Variants in RAPGEF3 observed in about 807,000 individuals in gnomAD.
The protein encoded by RAPGEF3 is 9330170P05Rik.
In RAPGEF3, 103 loss-of-function variants were observed where a neutral mutation model predicts 129.8. The observed-to-expected ratio is 0.79, with a 90% CI of 0.68 to 0.93. RAPGEF3 has a LOEUF of 0.93. RAPGEF3 is among the 40% of genes least tolerant of loss of function. The pLI is 0.00. For missense variants in RAPGEF3, 1,117 were observed against 1,207.4 expected, an observed-to-expected ratio of 0.93 and a Z score of 1.11; for synonymous variants, 436 against 482.6, an observed-to-expected ratio of 0.90 and a Z score of 1.26.
intron 1 of RAPGEF3, 127 bp downstream of exon 1, chr12:47,758,424 C>T (rs965767416): frequency 1.3e-6 from 2 of 1,556,266 alleles, no homozygotes; most frequent in Non-Finnish European, 1.7e-6. Context: ...GCAGCTTCGG[C>T]TTAAACCCTT....
chr12:47,737,787 A>T (rs1420941758), intron 27 of RAPGEF3, 102 bp from the exon 28 acceptor site: 1 of 1,193,934 alleles, frequency 8.4e-7, no homozygotes, highest in Non-Finnish European at 1.2e-6. Context: ...GCCCTCCACC[A>T]CCCACCAACC....
Position 47,747,848 on chromosome 12 carries a change from G to A in RAPGEF3, c.1337C>T (p.Pro446Leu). 1.2e-6 allele frequency: 2 copies of A among 1,603,664 alleles called. No individual in the cohort carries two copies. The highest frequency in any genetic ancestry group is 1.7e-6 in the Non-Finnish European group (2 of 1,179,902). Reference sequence around the variant, plus strand: ...GCGCTCCTGCTCGCTGCCACCCGCAGGCTCCACATGGAAGGTGGGCACCAG... The same window carrying A: ...GCGCTCCTGCTCGCTGCCACCCGCAAGCTCCACATGGAAGGTGGGCACCAG... ...AALLHHFHVE[P>L]AGGSEQERST... is the part of the protein sequence containing the mutation. The change falls in exon 14 of 28, where the codon CCT becomes CTT. Residue 446 changes from proline (P) to leucine (L), a missense_variant. By Grantham distance (98) the Pro-to-Leu change is moderately conservative. Coordinates refer to ENST00000449771, the MANE Select transcript of RAPGEF3 (RefSeq NM_001098531.4).
intron 2 of RAPGEF3, among the ~76,000 whole-genome samples, chr12:47,756,689 G>A (rs748864217): frequency 8.5e-5 from 13 of 152,194 alleles, no homozygotes; most frequent in African/African-American, 1.4e-4. Flanking sequence ...GTGAACTCTC[G>A]GCTAGGCGCA....
rs371385955 is a variant in RAPGEF3 at position 47,740,286 on chromosome 12, C to A, written c.2322+19G>T. ...CCTGAGGCCTGACCTCAGGAGGGGG[C>A]CCTCCAGACCACACTTACCTCCCAG... On this transcript the variant is annotated intron_variant, in intron 22 of 27. Coordinates refer to ENST00000449771, the MANE Select transcript of RAPGEF3 (RefSeq NM_001098531.4). The A allele has an allele frequency of 1.4e-5, 23 of 1,613,556 alleles. No individual in the cohort carries two copies. Among genetic ancestry groups the A allele is most frequent in the Non-Finnish European group, 1.6e-5 (19 of 1,179,580 alleles).
At chr12:47,743,891 G>A in intron 17 of RAPGEF3, 96 bp downstream of exon 17, 1 of 1,425,478 alleles carries the variant, frequency 7.0e-7, no homozygotes, top group Middle Eastern at 2.3e-4. Flanking sequence ...CTTGGCCCAG[G>A]CACACCGAGG....
intron 15 of RAPGEF3, 99 bp from the exon 16 acceptor site, chr12:47,746,998 T>C (rs976620681): frequency 8.3e-7 from 1 of 1,209,422 alleles, no homozygotes. Flanking sequence ...CCCTCACCAG[T>C]GGTTCAGAGG....
At position 47,735,287 on chromosome 12, in the gene RAPGEF3, C is replaced by A. The variant is rs1418259490; in HGVS notation, c.*2280G>T. 2 of 152,438 alleles carry A rather than the reference C, an allele frequency of 1.3e-5. No homozygotes were observed. Among genetic ancestry groups the A allele is most frequent in the Admixed American group, 1.3e-4 (2 of 15,308 alleles). The allele number at this position is 152,438 out of a possible 1,614,324, so 9.4% of individuals were successfully genotyped here. On this transcript the variant is annotated 3_prime_UTR_variant, in exon 28 of 28. Coordinates refer to ENST00000449771, the MANE Select transcript of RAPGEF3 (RefSeq NM_001098531.4). ...TGCAGCTGAGACACAAAATGGGAGC[C>A]CCTGCACACAGCCTGGGCTGCTAGG...
chr12:47,740,547 G>A (rs1941083322), intron 21 of RAPGEF3, 95 bp downstream of exon 21: 3 of 1,512,364 alleles, frequency 2.0e-6, no homozygotes, highest in East Asian at 2.3e-5. Flanking sequence ...CAAATAGGGT[G>A]GCAGATTTGG....
intron 27 of RAPGEF3, 96 bp downstream of exon 27, chr12:47,737,926 C>T (rs1359894221): frequency 1.3e-5 from 19 of 1,454,358 alleles, no homozygotes; most frequent in South Asian, 2.4e-5. Flanking sequence ...GGCCGGGCTC[C>T]GTGCCTGGCA....
rs1941713175 is a variant in RAPGEF3 at position 47,751,096 on chromosome 12, A to G, written c.623T>C (p.Leu208Pro). The stretch of plus-strand genomic sequence containing the variant: ...CAGGGCGTCAGGCCCCCGCTGGGAG[A>G]GCAGGGCCACAGCTTCGGCCAACTC... ...EEELAEAVAL[L>P]SQRGPDALLT... Residue 208 changes from leucine (L) to proline (P), a missense_variant, in exon 6 of 28, where the codon CTC becomes CCC. Leu to Pro is a moderately conservative substitution (Grantham distance 98). Around this residue, in one of 3 missense-constraint regions of RAPGEF3, gnomAD observed 367 missense variants for 373.4 expected, o/e 0.98. Transcript: ENST00000449771. 1 of 1,591,082 alleles carries G rather than the reference A, an allele frequency of 6.3e-7. No homozygotes were observed. The highest frequency in any genetic ancestry group is 1.8e-5 in the Admixed American group (1 of 55,772).
At position 47,758,749 on chromosome 12, in the gene RAPGEF3, TTGGG is replaced by T; in HGVS notation, c.-197_-194del. On this transcript the variant is annotated 5_prime_UTR_variant, in exon 1 of 28. Transcript: ENST00000449771. ...GCAGGGCTCGGTGGAGAGGCTCCTC[TTGGG>T]TGAGTAGAGGGGTGGGGGCGTGGTG... is the stretch of plus-strand genomic sequence containing the variant. 1 of 1,290,910 alleles carries T rather than the reference TTGGG, an allele frequency of 7.7e-7. No homozygotes were observed. The highest frequency in any genetic ancestry group is 9.8e-7 in the Non-Finnish European group (1 of 1,016,320). The allele number at this position is 1,290,910 out of a possible 1,614,324, so 80.0% of individuals were successfully genotyped here. A position where few individuals can be genotyped will look rare whatever the true frequency, so the allele number is the denominator to read the frequency against.
rs371821602 is a variant in RAPGEF3, at chr12:47,747,814, G to A, written c.1371C>T (p.Tyr457=). The A allele has an allele frequency of 1.6e-5, 25 of 1,606,500 alleles. No individual in the cohort carries two copies. The highest frequency in any genetic ancestry group is 1.7e-4 in the Middle Eastern group (1 of 6,028). Residue 457 remains tyrosine, a synonymous_variant, in exon 14 of 28, where the codon TAC becomes TAT. Coordinates refer to ENST00000449771, the MANE Select transcript of RAPGEF3 (RefSeq NM_001098531.4). The part of the protein sequence containing the change: ...AGGSEQERST[Y]VCNKRQQILR... ...AGATCTGCTGCCTCTTGTTGCAGAC[G>A]TAGGTGCTGCGCTCCTGCTCGCTGC...
At chr12:47,741,089 G>A in intron 19 of RAPGEF3, 49 bp from the exon 20 acceptor site, 1 of 1,594,570 alleles carries the variant, frequency 6.3e-7, no homozygotes, top group Non-Finnish European at 8.6e-7. Context: ...TCCAGGGAAA[G>A]GCACAGGGTA....
In RAPGEF3 at chr12:47,757,958, T is replaced by C. The variant is rs1473811743; in HGVS notation, c.127A>G (p.Met43Val). 2 of 1,560,720 alleles carry C rather than the reference T, an allele frequency of 1.3e-6. No individual in the cohort carries two copies. Among genetic ancestry groups the C allele is most frequent in the African/African-American group, 2.7e-5 (2 of 73,684 alleles). ...DVVPEGTLLN[M>V]VLRRMHRPRS... The stretch of plus-strand genomic sequence containing the variant: ...GGCCGGTGCATCCTTCTCAACACCA[T>C]GTTGAGTAGTGTCCCCTCCGGCACC... Residue 43 changes from methionine to valine, a missense_variant, in exon 2 of 28, where the codon ATG becomes GTG. Met to Val is a conservative substitution (Grantham distance 21). Coordinates refer to ENST00000449771, the MANE Select transcript of RAPGEF3 (RefSeq NM_001098531.4).
At chr12:47,743,023 T>G (rs577925033) in intron 18 of RAPGEF3, among the ~76,000 whole-genome samples, 45 of 152,244 alleles carry the variant, frequency 3.0e-4, no homozygotes, top group Non-Finnish European at 5.3e-4. Flanking sequence ...CCTTTGAGCT[T>G]CAGTGTTCTT....
At chr12:47,754,066 C>T (rs1383272241) in intron 2 of RAPGEF3, 1 of 152,164 alleles carries the variant, frequency 6.6e-6, no homozygotes, top group Non-Finnish European at 1.5e-5. Context: ...TGGTGCTGAC[C>T]CCAGAGGTAG....
In RAPGEF3 at chr12:47,750,969, C is replaced by A. The variant is rs537979176; in HGVS notation, c.671+79G>T. Reference sequence around the variant, plus strand: ...CTCCACAACAGGTAAGGGATGCCCCCAGAGATCAATCTGAGAAACCGTGAA... The same window carrying A: ...CTCCACAACAGGTAAGGGATGCCCCAAGAGATCAATCTGAGAAACCGTGAA... On this transcript the variant is annotated intron_variant, in intron 6 of 27. Coordinates refer to ENST00000449771, the MANE Select transcript of RAPGEF3 (RefSeq NM_001098531.4). The A allele has an allele frequency of 2.5e-5, 39 of 1,537,760 alleles. No individual in the cohort carries two copies. The African/African-American group carries it at 3.6e-4, about 14-fold the overall frequency.
chr12:47,740,563 T>C, intron 21 of RAPGEF3, 79 bp downstream of exon 21: 1 of 1,558,230 alleles, frequency 6.4e-7, no homozygotes, highest in Non-Finnish European at 8.8e-7. Context: ...TTTGGCAACA[T>C]ACTAAGCAAA....
Position 47,751,183 on chromosome 12 carries a change from G to T in RAPGEF3, c.536C>A (p.Ala179Asp). 1.3e-6 allele frequency: 2 copies of T among 1,553,404 alleles called. No homozygotes were observed. The highest frequency in any genetic ancestry group is 1.7e-6 in the Non-Finnish European group (2 of 1,148,300). Residue 179 changes from alanine (A) to aspartate (D), a missense_variant, in exon 6 of 28, where the codon GCC becomes GAC. This residue lies in a region of RAPGEF3 where 367 missense variants were observed against 373.4 expected (regional missense o/e 0.98). Coordinates refer to ENST00000449771, the MANE Select transcript of RAPGEF3 (RefSeq NM_001098531.4). ...KHDWAFQDRD[A>D]QFYRFPGPEP... ...GGGCCCGGGGAACCGGTAGAATTGG[G>T]CATCTCGGTCCTGGAAGGCCCAGTC...
Sources: allele counts gnomAD v4.1 joint callset (sites outside exome capture counted in the v4.1 genomes callset), GRCh38; gene constraint gnomAD v4.1.1; regional missense constraint gnomAD v4.1.1; transcripts MANE v1.5; gene names NCBI Gene and HGNC (gene_info 2026-07-23, HGNC 2026-07-21).